TDRP: variants seen among roughly 807,000 people sequenced by gnomAD.
TDRP encodes testis development related protein, also known as testis development-related protein.
TDRP carries 12 observed loss-of-function variants against 10.5 expected under a neutral mutation model. The observed-to-expected ratio is 1.15, with a 90% CI of 0.73 to 1.86. TDRP has a LOEUF of 1.86. Among genes scored for constraint, TDRP ranks in the 40% most tolerant of loss-of-function variants. TDRP has a pLI of 0.00. For synonymous variants in TDRP, 139 were observed against 95.4 expected (o/e 1.46, Z -2.67); for missense variants, 353 against 229.2 (o/e 1.54, Z -3.49).
At chr8:499,981 A>G (rs1801243130) in intron 1 of TDRP, among the ~76,000 whole-genome samples, 1 of 152,200 alleles carries the variant, frequency 6.6e-6, no homozygotes, top group African/African-American at 2.4e-5. Flanking sequence ...GGGAAGGCAG[A>G]AAAAACCTAA....
At chr8:528,378 T>C (rs915336268) in intron 1 of TDRP, among the ~76,000 whole-genome samples, 1 of 151,584 alleles carries the variant, frequency 6.6e-6, no homozygotes, top group Non-Finnish European at 1.5e-5. Context: ...AAAATAGAAC[T>C]ACCATAGGAT....
intron 1 of TDRP, among the ~76,000 whole-genome samples, chr8:501,269 TA>T (rs1228593544): frequency 2.0e-5 from 3 of 152,262 alleles, no homozygotes; most frequent in African/African-American, 7.2e-5. Flanking sequence ...GCATGCCACA[TA>T]ACCTGCACCT....
chr8:530,018 A>C (rs1802145784), intron 1 of TDRP, among the ~76,000 whole-genome samples: 1 of 151,858 alleles, frequency 6.6e-6, no homozygotes, highest in South Asian at 2.1e-4. Context: ...ATATTGGTCC[A>C]CTCAATGGTG....
At chr8:539,246 T>G (rs1802428756) in intron 1 of TDRP, among the ~76,000 whole-genome samples, 2 of 152,054 alleles carry the variant, frequency 1.3e-5, no homozygotes, top group African/African-American at 4.8e-5. Context: ...GCCGGCACGA[T>G]GGGATGAGTG....
chr8:527,426 A>G (rs1163242402), intron 1 of TDRP, among the ~76,000 whole-genome samples: 3 of 152,176 alleles, frequency 2.0e-5, no homozygotes, highest in Admixed American at 2.0e-4. Flanking sequence ...TAAAATGTAT[A>G]TGGAATCACA....
chr8:513,706 A>C (rs896129649), intron 1 of TDRP, among the ~76,000 whole-genome samples: 1 of 152,220 alleles, frequency 6.6e-6, no homozygotes, highest in African/African-American at 2.4e-5. Context: ...AAATGAAACT[A>C]TCTCTATTTG....
At chr8:501,082 G>A (rs1203810677) in intron 1 of TDRP, among the ~76,000 whole-genome samples, 1 of 151,940 alleles carries the variant, frequency 6.6e-6, no homozygotes, top group Non-Finnish European at 1.5e-5. Flanking sequence ...GCGGGCGCCT[G>A]TAGTCCCAGC....
At chr8:529,173 G>A (rs942193814) in intron 1 of TDRP, among the ~76,000 whole-genome samples, 4 of 152,048 alleles carry the variant, frequency 2.6e-5, no homozygotes, top group Non-Finnish European at 5.9e-5. Flanking sequence ...AACCTCCTTT[G>A]GCAACACCCT....
At chr8:507,144 C>A (rs953744194) in intron 1 of TDRP, among the ~76,000 whole-genome samples, 5 of 152,136 alleles carry the variant, frequency 3.3e-5, no homozygotes, top group Non-Finnish European at 7.4e-5. Context: ...CACTTTAAAA[C>A]CATCAGATCT....
At chr8:518,998 C>G (rs1267568085) in intron 1 of TDRP, among the ~76,000 whole-genome samples, 2 of 152,138 alleles carry the variant, frequency 1.3e-5, no homozygotes, top group Non-Finnish European at 2.9e-5. Context: ...GAGTCTGTCA[C>G]CAGAAATGCC....
chr8:544,376 G>C (rs987492978), intron 1 of TDRP, among the ~76,000 whole-genome samples: 1 of 152,082 alleles, frequency 6.6e-6, no homozygotes, highest in Non-Finnish European at 1.5e-5. Flanking sequence ...CCTGCAAGCG[G>C]CGAGAACGCC....
intron 1 of TDRP, chr8:495,088 C>T (rs1206847609): frequency 6.4e-6 from 1 of 156,538 alleles, no homozygotes; most frequent in Non-Finnish European, 1.4e-5. Flanking sequence ...AAAAACTTAG[C>T]CAGGTATGGT....
chr8:506,495 G>C (rs563656335), intron 1 of TDRP, among the ~76,000 whole-genome samples: 2 of 152,306 alleles, frequency 1.3e-5, no homozygotes, highest in East Asian at 3.9e-4. Flanking sequence ...ACACAGAGGT[G>C]AGGACTCCCT....
In TDRP at chr8:492,570, G is replaced by A. The variant is rs781091464; in HGVS notation, c.387C>T (p.Gly129=). Residue 129 remains glycine (G), a synonymous_variant, in exon 3 of 3, where the codon GGC becomes GGT. Coordinates refer to ENST00000324079, the MANE Select transcript of TDRP (RefSeq NM_001384899.1). ...CCTCCCAGCCTGACCAGGATGGGTGGCCACCCACGGTGTCCTCAGGGTCAG... is the reference window on the plus strand; with the variant it reads ...CCTCCCAGCCTGACCAGGATGGGTGACCACCCACGGTGTCCTCAGGGTCAG... ...ISADPEDTVG[G]HPSWSGWEDD... is the part of the protein sequence containing the mutation. 1.7e-5 allele frequency: 28 copies of A among 1,613,192 alleles called. 1 individual carries two copies. The Admixed American group carries it at 3.3e-4, about 19-fold the overall frequency.
chr8:502,772 C>G (rs1273132704), intron 1 of TDRP, among the ~76,000 whole-genome samples: 2 of 151,670 alleles, frequency 1.3e-5, no homozygotes, highest in African/African-American at 2.4e-5. Flanking sequence ...CATGCATCAA[C>G]ATGGAATCCA....
intron 1 of TDRP, among the ~76,000 whole-genome samples, chr8:498,105 C>T (rs1034275733): frequency 6.6e-6 from 1 of 152,288 alleles, no homozygotes; most frequent in Non-Finnish European, 1.5e-5. Context: ...GGGGTTGCAA[C>T]CCCCACACCA....
intron 1 of TDRP, among the ~76,000 whole-genome samples, chr8:503,404 G>A (rs563987422): frequency 1.1e-3 from 155 of 138,156 alleles, no homozygotes; most frequent in African/African-American, 3.6e-3. Context: ...CTCTGCACGC[G>A]TCAACACGGA....
chr8:513,494 G>T (rs767282304), intron 1 of TDRP, among the ~76,000 whole-genome samples: 2 of 152,018 alleles, frequency 1.3e-5, no homozygotes, highest in Non-Finnish European at 2.9e-5. Flanking sequence ...GAAAAAGAAG[G>T]GAATTTCCTC....
intron 1 of TDRP, among the ~76,000 whole-genome samples, chr8:517,705 A>G (rs1391696970): frequency 2.6e-5 from 4 of 152,234 alleles, no homozygotes; most frequent in African/African-American, 9.6e-5. Flanking sequence ...ATCAGGCTGT[A>G]GCCCAACAAC....
Sources: allele counts gnomAD v4.1 joint callset (sites outside exome capture counted in the v4.1 genomes callset), GRCh38; gene constraint gnomAD v4.1.1; transcripts MANE v1.5; gene names NCBI Gene and HGNC (gene_info 2026-07-23, HGNC 2026-07-21).